Variants in NCOR2 observed in about 807,000 individuals in gnomAD.
NCOR2 encodes the protein nuclear receptor corepressor 2.
A neutral mutation model predicts 262.9 loss-of-function variants in NCOR2; 81 were observed. That is an observed-to-expected ratio of 0.31 (90% CI 0.26 to 0.37). The LOEUF (loss-of-function observed/expected upper bound fraction) is 0.37, where lower values mean the gene tolerates loss of function less well. NCOR2 is among the 10% of genes least tolerant of loss of function. The pLI is 1.00. For synonymous variants in NCOR2, 1,659 were observed against 1,559.3 expected, an observed-to-expected ratio of 1.06 and a Z score of -1.51; for missense variants, 3,385 against 3,621.4, an observed-to-expected ratio of 0.93 and a Z score of 1.68.
intron 7 of NCOR2, among the ~76,000 whole-genome samples, chr12:124,445,081 G>T (rs1015612339): frequency 6.6e-6 from 1 of 152,202 alleles, no homozygotes; most frequent in African/African-American, 2.4e-5. Context: ...AAGAAATCAG[G>T]CTGCGAAAAG....
At chr12:124,558,920 G>A (rs926758262) in intron 1 of NCOR2, among the ~76,000 whole-genome samples, 7 of 152,320 alleles carry the variant, frequency 4.6e-5, no homozygotes, top group African/African-American at 1.7e-4. Context: ...CCAAGGCCAT[G>A]TCACTCAGAC....
intron 8 of NCOR2, among the ~76,000 whole-genome samples, chr12:124,437,255 CCT>C (rs548791127): frequency 6.6e-6 from 1 of 152,194 alleles, no homozygotes; most frequent in Admixed American, 6.5e-5. Flanking sequence ...CGCTTCTTCC[CCT>C]GACAGCTGGG....
chr12:124,385,669 A>G, intron 17 of NCOR2, 76 bp downstream of exon 19: 3 of 1,568,766 alleles, frequency 1.9e-6, no homozygotes, highest in South Asian at 2.4e-5. Context: ...CCTGGGGTGC[A>G]GAGACATCTC....
chr12:124,332,245 G>A (rs966921385), intron 43 of NCOR2, 74 bp downstream of exon 45: 144 of 1,569,964 alleles, frequency 9.2e-5, no homozygotes, highest in Middle Eastern at 2.0e-4. Context: ...GCCACTGGGC[G>A]GCTCCAGCTG....
At position 124,332,299 on chromosome 12, in the gene NCOR2, G is replaced by C; in HGVS notation, c.6904+20C>G. On this transcript the variant is annotated intron_variant, in intron 43 of 46. Transcript: ENST00000405201. ...CCACCTGTGGCCCCATGCTTCCCCG[G>C]GAGCCTGCAGGCCCCTTACTGTATT... 1 of 1,613,414 alleles carries C rather than the reference G, an allele frequency of 6.2e-7. No individual in the cohort carries two copies. The highest frequency in any genetic ancestry group is 8.5e-7 in the Non-Finnish European group (1 of 1,179,726).
intron 16 of NCOR2, among the ~76,000 whole-genome samples, chr12:124,390,484 C>CCA (rs1203315029): frequency 6.6e-6 from 1 of 151,740 alleles, no homozygotes; most frequent in Non-Finnish European, 1.5e-5. Context: ...AGTGACCCCC[C>CCA]CCCGTCGCCC....
chr12:124,327,759 T>C, intron 44 of NCOR2, 126 bp from the exon 47 acceptor site: 1 of 655,282 alleles, frequency 1.5e-6, no homozygotes, highest in South Asian at 1.9e-5. Flanking sequence ...GAGAGAGAAA[T>C]ACACAGTGAG....
chr12:124,469,177 G>A (rs1022115678), intron 4 of NCOR2, among the ~76,000 whole-genome samples: 1 of 152,000 alleles, frequency 6.6e-6, no homozygotes, highest in Non-Finnish European at 1.5e-5. Context: ...AATGTGACAG[G>A]GCATCACAAG....
At position 124,541,766 on chromosome 12, in the gene NCOR2, A is replaced by G. The variant is rs200394367; in HGVS notation, c.-164-6155T>C. On this transcript the variant is annotated intron_variant, in intron 1 of 32. Coordinates refer to the NCOR2 transcript ENST00000458234. Reference sequence around the variant, plus strand: ...AGATGGGGAGTGGAGATGGAGGGGGATGGGGGTGGATATGGAGGGGGATGG... The same window carrying G: ...AGATGGGGAGTGGAGATGGAGGGGGGTGGGGGTGGATATGGAGGGGGATGG... 6.9e-3 allele frequency among the ~76,000 whole-genome samples: 64 copies of G among 9,332 alleles called. 6 individuals carry two copies. The East Asian group carries it at 0.11, about 17-fold the overall frequency. 6.1% of individuals were successfully genotyped at this position (9,332 alleles called of 152,430 possible). A position where few individuals can be genotyped will look rare whatever the true frequency, so the allele number is the denominator to read the frequency against.
intron 10 of NCOR2, among the ~76,000 whole-genome samples, chr12:124,427,979 C>T (rs918575507): frequency 2.0e-5 from 3 of 151,958 alleles, no homozygotes; most frequent in East Asian, 1.9e-4. Context: ...CACTTCCACC[C>T]TTCACCCCGG....
At chr12:124,501,048 G>GCGCGCGCA (rs1555232665) in intron 1 of NCOR2, among the ~76,000 whole-genome samples, 13 of 51,126 alleles carry the variant, frequency 2.5e-4, no homozygotes, top group Admixed American at 2.5e-3. Flanking sequence ...CGGCACGAGC[G>GCGCGCGCA]CGCGCGCACG....
In NCOR2 at chr12:124,389,637, C is replaced by A. The variant is rs1008797549; in HGVS notation, c.1877-3750G>T. ...CTGGCCTGATGCTGCCGAGGCTGAC[C>A]GAGCCCTCTGTCGGGGACTGTGGGT... is the stretch of plus-strand genomic sequence containing the variant. On this transcript the variant is annotated intron_variant, in intron 16 of 46. Transcript: ENST00000405201. The surrounding 1 kb of genome is among the most constrained non-coding windows in gnomAD (Gnocchi z 4.4). 3.3e-5 allele frequency among the ~76,000 whole-genome samples: 5 copies of A among 152,176 alleles called. No individual in the cohort carries two copies. The highest frequency in any genetic ancestry group is 5.9e-5 in the Non-Finnish European group (4 of 68,032).
chr12:124,328,341 G>A (rs912352362), intron 44 of NCOR2, among the ~76,000 whole-genome samples: 4 of 152,146 alleles, frequency 2.6e-5, no homozygotes, highest in South Asian at 2.1e-4. Context: ...ATGCAGTTAC[G>A]GTGCGTGCAG....
chr12:124,342,295 G>A (rs999818697), intron 33 of NCOR2, among the ~76,000 whole-genome samples: 1 of 152,214 alleles, frequency 6.6e-6, no homozygotes, highest in African/African-American at 2.4e-5. Context: ...TTGCATCAAA[G>A]TTGTCCCAAA....
intron 1 of NCOR2, among the ~76,000 whole-genome samples, chr12:124,488,479 A>G (rs747242327): frequency 6.6e-6 from 1 of 152,158 alleles, no homozygotes; most frequent in Non-Finnish European, 1.5e-5. Context: ...TCCTACACTC[A>G]TCTCCCTCAC....
At chr12:124,325,556 A>G in exon 47 of NCOR2, 1 of 1,316,956 alleles carries the variant, frequency 7.6e-7, no homozygotes, top group Non-Finnish European at 9.8e-7. Flanking sequence ...CCGCATGATC[A>G]GGGGGTTGTA....
chr12:124,399,970 C>T (rs980099088), intron 15 of NCOR2, among the ~76,000 whole-genome samples: 3 of 152,146 alleles, frequency 2.0e-5, no homozygotes, highest in African/African-American at 7.2e-5. Context: ...AGATGCCTAC[C>T]AGGGTAGAGG....
At chr12:124,486,353 G>GTGCTCCTGCTCTGCCA in intron 2 of NCOR2, 88 bp downstream of exon 4, 1 of 1,549,628 alleles carries the variant, frequency 6.5e-7, no homozygotes, top group Non-Finnish European at 8.7e-7. Flanking sequence ...AGGACCCTGT[G>GTGCTCCTGCTCTGCCA]TGCTCCTGCT....
intron 28 of NCOR2, among the ~76,000 whole-genome samples, chr12:124,349,333 G>C (rs1469290654): frequency 6.6e-5 from 10 of 152,208 alleles, no homozygotes; most frequent in Admixed American, 5.9e-4. Context: ...ACCCCTCAGA[G>C]GGAATGAGCA....
Sources: gnomAD v4.1 joint callset for allele counts (sites outside exome capture counted in the v4.1 genomes callset) on GRCh38, gnomAD v4.1.1 for gene constraint, Gnocchi (gnomAD v3.1) non-coding constraint, MANE v1.5 for transcripts, NCBI Gene and HGNC (gene_info 2026-07-23, HGNC 2026-07-21) for gene names.